Variants in KLHL29 observed in about 807,000 individuals in gnomAD.
The protein encoded by KLHL29 is kelch like family member 29.
A neutral mutation model predicts 80.4 loss-of-function variants in KLHL29; 21 were observed. The observed-to-expected ratio is 0.26, with a 90% CI of 0.19 to 0.38. The LOEUF is 0.38. Ranked by LOEUF, KLHL29 falls within the 10% of genes least tolerant of loss-of-function variation. KLHL29 has a pLI of 1.00. For synonymous variants in KLHL29, 511 were observed against 526.8 expected, an observed-to-expected ratio of 0.97 and a Z score of 0.41; for missense variants, 867 against 1,223.9, an observed-to-expected ratio of 0.71 and a Z score of 4.35.
rs1385430704 is a variant in KLHL29, at chr2:23,703,872, C to T, written c.2444+9C>T. The T allele has an allele frequency of 3.3e-6, 5 of 1,533,794 alleles. No homozygotes were observed. Among genetic ancestry groups the T allele is most frequent in the Non-Finnish European group, 4.4e-6 (5 of 1,145,236 alleles). On this transcript the variant is annotated intron_variant, in intron 13 of 13. Coordinates refer to ENST00000486442, the MANE Select transcript of KLHL29 (RefSeq NM_052920.2). ...TCTCGCCAGTTCTGCAGGTGAGAGG[C>T]TGCGGCGCCTTGACTAGGGCTGGGA... is the stretch of plus-strand genomic sequence containing the variant.
chr2:23,699,852 A>T (rs1672255414), intron 11 of KLHL29, among the ~76,000 whole-genome samples: 1 of 152,010 alleles, frequency 6.6e-6, no homozygotes, highest in Admixed American at 6.5e-5. Flanking sequence ...TCCTACTCTC[A>T]TGAGCAGTTA....
At chr2:23,455,197 C>T (rs1242742253) in intron 1 of KLHL29, among the ~76,000 whole-genome samples, 1 of 152,166 alleles carries the variant, frequency 6.6e-6, no homozygotes, top group Non-Finnish European at 1.5e-5. Context: ...AATCTTGGCC[C>T]ACCCATAAAA....
intron 5 of KLHL29, among the ~76,000 whole-genome samples, chr2:23,659,467 C>G (rs1194551017): frequency 6.6e-6 from 1 of 152,164 alleles, no homozygotes; most frequent in East Asian, 1.9e-4. Flanking sequence ...GTCCTCAGCC[C>G]CAGAGCCTTG....
chr2:23,534,899 C>T (rs1666617586), intron 2 of KLHL29, among the ~76,000 whole-genome samples: 1 of 152,162 alleles, frequency 6.6e-6, no homozygotes, highest in Non-Finnish European at 1.5e-5. Flanking sequence ...ATCCCCTAAT[C>T]CTGTTGATGC....
At chr2:23,674,458 G>A (rs1042862549) in intron 5 of KLHL29, among the ~76,000 whole-genome samples, 2 of 152,090 alleles carry the variant, frequency 1.3e-5, no homozygotes, top group Non-Finnish European at 2.9e-5. Context: ...ATTCTGCCCT[G>A]ACCCCAGGGC....
chr2:23,547,149 A>T (rs1666999120), intron 2 of KLHL29, among the ~76,000 whole-genome samples: 1 of 152,184 alleles, frequency 6.6e-6, no homozygotes, highest in Admixed American at 6.5e-5. Flanking sequence ...GCCCGTTTAC[A>T]TCACTCTGCT....
intron 1 of KLHL29, among the ~76,000 whole-genome samples, chr2:23,470,756 G>A (rs1421801155): frequency 6.6e-6 from 1 of 152,074 alleles, no homozygotes; most frequent in Non-Finnish European, 1.5e-5. Context: ...CAATCTCTGC[G>A]TTGTGCTGGG....
intron 1 of KLHL29, among the ~76,000 whole-genome samples, chr2:23,440,081 C>G (rs1663467765): frequency 6.6e-6 from 1 of 151,900 alleles, no homozygotes; most frequent in South Asian, 2.1e-4. Flanking sequence ...TTCTTTGTCT[C>G]TTTTGATCTT....
chr2:23,386,555 A>G (rs1666187513), intron 1 of KLHL29, among the ~76,000 whole-genome samples: 1 of 151,848 alleles, frequency 6.6e-6, no homozygotes, highest in African/African-American at 2.4e-5. Flanking sequence ...GGGGTTGTTG[A>G]TGTGTGGGAC....
intron 3 of KLHL29, among the ~76,000 whole-genome samples, chr2:23,593,909 C>T (rs1020122836): frequency 3.9e-4 from 59 of 152,268 alleles, no homozygotes; most frequent in African/African-American, 1.4e-3. Flanking sequence ...CCTTCAGGGC[C>T]CCTCCCTCCC....
rs752777554 is a variant in KLHL29 at position 23,606,139 on chromosome 2, A to AGT, written c.286-32985_286-32984dup. Among the ~76,000 whole-genome samples, 261 of 146,954 alleles carry AGT rather than the reference A, an allele frequency of 1.8e-3. 5 individuals are homozygous for AGT. Among genetic ancestry groups the AGT allele is most frequent in the South Asian group, 0.01 (47 of 4,496 alleles). ...AGGTGGGGGGATCATTCCGTGAGCT[A>AGT]GTGTGTGTGTGTGTGTATGTGTGTG... is the stretch of plus-strand genomic sequence containing the variant. On this transcript the variant is annotated intron_variant, in intron 3 of 13. Coordinates refer to ENST00000486442, the MANE Select transcript of KLHL29 (RefSeq NM_052920.2).
intron 1 of KLHL29, among the ~76,000 whole-genome samples, chr2:23,413,711 A>T (rs962462569): frequency 2.6e-5 from 4 of 152,120 alleles, no homozygotes; most frequent in African/African-American, 9.7e-5. Context: ...ATGTTTGTTC[A>T]TTTTCCCATT....
At chr2:23,470,233 C>T (rs762072911) in intron 1 of KLHL29, among the ~76,000 whole-genome samples, 1 of 152,154 alleles carries the variant, frequency 6.6e-6, no homozygotes, top group Non-Finnish European at 1.5e-5. Flanking sequence ...AACAGGAAGC[C>T]TCCTTGGGTG....
At chr2:23,588,480 T>G (rs554781369) in intron 3 of KLHL29, among the ~76,000 whole-genome samples, 1 of 152,240 alleles carries the variant, frequency 6.6e-6, no homozygotes, top group East Asian at 1.9e-4. Context: ...TTCCCTTCCA[T>G]GGGGTTTTCT....
At chr2:23,657,112 CCTTA>C (rs1670268597) in intron 5 of KLHL29, among the ~76,000 whole-genome samples, 1 of 152,022 alleles carries the variant, frequency 6.6e-6, no homozygotes, top group Admixed American at 6.6e-5. Context: ...TGAGGACACC[CCTTA>C]CTCCCTTTTC....
intron 3 of KLHL29, among the ~76,000 whole-genome samples, chr2:23,637,499 C>T (rs1194868634): frequency 6.6e-6 from 1 of 152,180 alleles, no homozygotes; most frequent in Non-Finnish European, 1.5e-5. Context: ...TCACCCTTTT[C>T]CTTTGTTTCT....
rs182876228 is a variant in KLHL29 at position 23,670,900 on chromosome 2, T to C, written c.941-13499T>C. Among the ~76,000 whole-genome samples the C allele has an allele frequency of 2.9e-3, 287 of 97,302 alleles. 2 individuals carry two copies. Among genetic ancestry groups the C allele is most frequent in the African/African-American group, 9.3e-3 (269 of 29,078 alleles). The allele number at this position is 97,302 out of a possible 152,430, so 63.8% of individuals were successfully genotyped here. A position where few individuals can be genotyped will look rare whatever the true frequency, so the allele number is the denominator to read the frequency against. ...AGAGTGGGCAGAGAAGGGAGGGGTC[T>C]CTACACACATGCACGCGCTCTCTCT... On this transcript the variant is annotated intron_variant, in intron 5 of 13. Transcript: ENST00000486442.
At chr2:23,635,325 C>T (rs982579055) in intron 3 of KLHL29, among the ~76,000 whole-genome samples, 1 of 152,154 alleles carries the variant, frequency 6.6e-6, no homozygotes, top group Non-Finnish European at 1.5e-5. Context: ...TGCATACCAC[C>T]TGCGGCCCTA....
At chr2:23,468,356 A>G (rs1664406629) in intron 1 of KLHL29, among the ~76,000 whole-genome samples, 1 of 152,184 alleles carries the variant, frequency 6.6e-6, no homozygotes, top group Non-Finnish European at 1.5e-5. Context: ...GGTGCTGTGC[A>G]GACCAGGAGT....
Sources: gnomAD v4.1 joint callset for allele counts (sites outside exome capture counted in the v4.1 genomes callset) on GRCh38, gnomAD v4.1.1 for gene constraint, MANE v1.5 for transcripts, NCBI Gene and HGNC (gene_info 2026-07-23, HGNC 2026-07-21) for gene names.